DIP2A: variants seen among roughly 807,000 people sequenced by gnomAD.
DIP2A encodes DIP2 acetate--CoA ligase A, also known as disco-interacting protein 2 homolog A.
Under a neutral mutation model 177.4 loss-of-function variants are expected in DIP2A, and 85 were observed. That is an observed-to-expected ratio of 0.48 (90% CI 0.40 to 0.57). The LOEUF (loss-of-function observed/expected upper bound fraction) is 0.57, where lower values mean the gene tolerates loss of function less well. Among genes scored for constraint, DIP2A ranks in the 20% least tolerant of loss-of-function variants. The probability of loss-of-function intolerance (pLI) is 0.00; values close to 1 mark genes in which losing one functional copy is unlikely to be tolerated. For missense variants in DIP2A, 1,791 were observed against 2,100.2 expected, an observed-to-expected ratio of 0.85 and a Z score of 2.88; for synonymous variants, 886 against 881.8, an observed-to-expected ratio of 1.00 and a Z score of -0.08.
In DIP2A at chr21:46,567,636, G is replaced by T. The variant is rs761953374; in HGVS notation, c.*14G>T. ...TACAACATGTGAGCGCAGCACACCG[G>T]CCCAGGTGCCGGAGATGAATGAGCC... On this transcript the variant is annotated 3_prime_UTR_variant, in exon 38 of 38. Transcript: ENST00000417564. 3.2e-6 allele frequency: 5 copies of T among 1,562,822 alleles called. No individual in the cohort carries two copies. The highest frequency in any genetic ancestry group is 3.5e-6 in the Non-Finnish European group (4 of 1,151,802).
downstream of DIP2A, among the ~76,000 whole-genome samples, chr21:46,574,963 A>G (rs140319314): frequency 6.6e-6 from 1 of 152,276 alleles, no homozygotes; most frequent in African/African-American, 2.4e-5. Flanking sequence ...GGAACCAGTC[A>G]GACACTACAA....
chr21:46,489,594 T>G (rs1218532467), intron 2 of DIP2A, among the ~76,000 whole-genome samples: 4 of 152,198 alleles, frequency 2.6e-5, no homozygotes, highest in African/African-American at 9.7e-5. Context: ...TCTGCCACAC[T>G]GCGCTTGTTG....
At chr21:46,495,244 T>TTCTCTTCTC (rs2057275285) in intron 3 of DIP2A, among the ~76,000 whole-genome samples, 5 of 38,176 alleles carry the variant, frequency 1.3e-4, no homozygotes, top group East Asian at 9.7e-4. Context: ...CTTCTCTTCT[T>TTCTCTTCTC]TCTCTCTCTC....
At chr21:46,533,854 T>C in intron 11 of DIP2A, 150 bp from the exon 12 acceptor site, 1 of 955,798 alleles carries the variant, frequency 1.0e-6, no homozygotes, top group Non-Finnish European at 1.6e-6. Flanking sequence ...CGGATGTACC[T>C]TTTTAAATTA....
chr21:46,550,221 A>G (rs547376140), intron 22 of DIP2A: 1 of 687,642 alleles, frequency 1.5e-6, no homozygotes, highest in East Asian at 2.9e-5. Flanking sequence ...TCTCAAAGAA[A>G]AAACTTTCCT....
At chr21:46,575,191 G>T in the DIP2A span, among the ~76,000 whole-genome samples, 1 of 151,976 alleles carries the variant, frequency 6.6e-6, no homozygotes, top group African/African-American at 2.4e-5. Context: ...TGATCGTCTC[G>T]ATTGATGCAG....
At chr21:46,486,580 T>C (rs1405032923) in intron 2 of DIP2A, among the ~76,000 whole-genome samples, 9 of 152,202 alleles carry the variant, frequency 5.9e-5, no homozygotes, top group Admixed American at 5.9e-4. Flanking sequence ...AAGATTCAAA[T>C]AGGTTATTTC....
At chr21:46,560,128 A>G (rs895894326) in intron 32 of DIP2A, among the ~76,000 whole-genome samples, 3 of 152,250 alleles carry the variant, frequency 2.0e-5, no homozygotes, top group African/African-American at 7.2e-5. Flanking sequence ...ATTCCAGTGC[A>G]GACACAGGTT....
intron 2 of DIP2A, among the ~76,000 whole-genome samples, chr21:46,487,025 G>A (rs560980484): frequency 1.2e-4 from 19 of 152,308 alleles, no homozygotes; most frequent in African/African-American, 4.3e-4. Flanking sequence ...TAGAGAGCTG[G>A]TGTAGTGAGT....
intron 8 of DIP2A, among the ~76,000 whole-genome samples, chr21:46,524,267 A>G (rs2058964451): frequency 6.6e-6 from 1 of 152,178 alleles, no homozygotes; most frequent in Admixed American, 6.5e-5. Context: ...AACCCCTTAT[A>G]TCTTAGGAAG....
intron 8 of DIP2A, among the ~76,000 whole-genome samples, chr21:46,527,853 T>TG (rs926312855): frequency 1.3e-5 from 2 of 152,170 alleles, no homozygotes; most frequent in East Asian, 3.9e-4. Context: ...CCTTCAAGTG[T>TG]GGGGGGTTAG....
chr21:46,474,983 CAG>C (rs2055716979), intron 1 of DIP2A, among the ~76,000 whole-genome samples: 1 of 152,082 alleles, frequency 6.6e-6, no homozygotes, highest in Non-Finnish European at 1.5e-5. Flanking sequence ...ATCGGTTTTC[CAG>C]AGTCTGCTGA....
chr21:46,466,257 A>G (rs2054819763), intron 1 of DIP2A, among the ~76,000 whole-genome samples: 4 of 152,142 alleles, frequency 2.6e-5, no homozygotes, highest in South Asian at 4.1e-4. Flanking sequence ...CATGGGTAAA[A>G]GATTCATTCA....
Position 46,566,007 on chromosome 21 carries a change from G to T in DIP2A, c.4339+120G>T, listed in dbSNP as rs185423285. 5.3e-4 allele frequency: 586 copies of T among 1,105,644 alleles called. 7 individuals are homozygous for T. The South Asian group carries it at 7.9e-3, about 15-fold the overall frequency. 68.5% of individuals were successfully genotyped at this position (1,105,644 alleles called of 1,614,324 possible). The stretch of plus-strand genomic sequence containing the variant: ...GCTGTGGTCTGGTATTGCTCCTTGT[G>T]GGGGGAAGATGTTCTGACAGCAGTT... On this transcript the variant is annotated intron_variant, in intron 36 of 37. Coordinates refer to ENST00000417564, the MANE Select transcript of DIP2A (RefSeq NM_015151.4).
chr21:46,562,119 G>A (rs547443615), intron 34 of DIP2A, among the ~76,000 whole-genome samples: 10 of 152,316 alleles, frequency 6.6e-5, no homozygotes, highest in African/African-American at 2.2e-4. Context: ...GGGGGGTTCC[G>A]GCCCACCCAC....
rs371087682 is a variant in DIP2A at position 46,565,699 on chromosome 21, T to C, written c.4165-14T>C. The C allele has an allele frequency of 4.3e-6, 7 of 1,610,918 alleles. No individual in the cohort carries two copies. In the African/African-American group the frequency reaches 5.3e-5, roughly 12 times the overall value. On this transcript the variant is annotated splice_polypyrimidine_tract_variant and intron_variant, in intron 35 of 37. Coordinates refer to ENST00000417564, the MANE Select transcript of DIP2A (RefSeq NM_015151.4). ...TTGGTAACACATCACATTCTTGTCC[T>C]CTGGGCCCACCAGATCTGGGTAAGC... is the stretch of plus-strand genomic sequence containing the variant.
chr21:46,524,116 T>C (rs2058956022), intron 8 of DIP2A, among the ~76,000 whole-genome samples: 1 of 152,192 alleles, frequency 6.6e-6, no homozygotes, highest in South Asian at 2.1e-4. Context: ...TGTTCCATGA[T>C]CCTGTACATG....
chr21:46,469,713 ACTTTCTTAGTGCTGC>A (rs2055181471), intron 1 of DIP2A, among the ~76,000 whole-genome samples: 1 of 152,218 alleles, frequency 6.6e-6, no homozygotes, highest in African/African-American at 2.4e-5. Context: ...CCTGGCCGGA[ACTTTCTTAGTGCTGC>A]CTTTAGTCTA....
rs760419626 is a variant in DIP2A at position 46,534,609 on chromosome 21, A to G, written c.1564A>G (p.Thr522Ala). 9 of 1,613,454 alleles carry G rather than the reference A, an allele frequency of 5.6e-6. No individual in the cohort carries two copies. Among genetic ancestry groups the G allele is most frequent in the Non-Finnish European group, 7.6e-6 (9 of 1,179,896 alleles). The change falls in exon 13 of 38, where the codon ACG (threonine) becomes GCG (alanine). Residue 522 changes from threonine (T) to alanine (A), a missense_variant. Physicochemically the swap from Thr to Ala is moderately conservative, Grantham distance 58 (BLOSUM62 0). Coordinates refer to ENST00000417564, the MANE Select transcript of DIP2A (RefSeq NM_015151.4). ...IEYKTSKEGSTVGVTVSHASL... is the reference protein window; with the variant it reads ...IEYKTSKEGSAVGVTVSHASL... ...GTATAAAACCAGCAAAGAAGGCAGT[A>G]CGGTGGGGGTCACAGTGTCCCACGC...
Sources: gnomAD v4.1 joint callset for allele counts (sites outside exome capture counted in the v4.1 genomes callset) on GRCh38, gnomAD v4.1.1 for gene constraint, MANE v1.5 for transcripts, NCBI Gene and HGNC (gene_info 2026-07-23, HGNC 2026-07-21) for gene names.